The following CD81 variants were observed in gnomAD, a reference collection of about 807,000 sequenced individuals.
The protein encoded by CD81 is CD81 antigen.
A neutral mutation model predicts 30.1 loss-of-function variants in CD81; 10 were observed. The observed-to-expected ratio is 0.33, with a 90% confidence interval of 0.21 to 0.56. CD81 has a LOEUF of 0.56. CD81 is among the 20% of genes least tolerant of loss of function. The pLI, the probability that CD81 is intolerant of heterozygous loss-of-function variation, is 0.89. For missense variants in CD81, 263 were observed against 308.7 expected, an observed-to-expected ratio of 0.85 and a Z score of 1.11; for synonymous variants, 147 against 126.4, an observed-to-expected ratio of 1.16 and a Z score of -1.10.
At chr11:2,376,754 C>T (rs911449027), upstream of CD81, 41 of 152,284 alleles carry the variant, frequency 2.7e-4, no homozygotes, top group African/African-American at 8.9e-4. Context: ...TTCCGTGAGA[C>T]AGGGATTGGT....
chr11:2,388,267 G>A (rs942115666), intron 1 of CD81, among the ~76,000 whole-genome samples: 2 of 152,218 alleles, frequency 1.3e-5, no homozygotes, highest in Non-Finnish European at 2.9e-5. Flanking sequence ...AGGGGAGACA[G>A]GAGTGTGAGG....
intron 1 of CD81, among the ~76,000 whole-genome samples, chr11:2,383,239 G>A (rs1354757044): frequency 1.3e-5 from 2 of 152,120 alleles, no homozygotes; most frequent in Non-Finnish European, 2.9e-5. Context: ...CTGCCTTTTC[G>A]CCCCTGGAGG....
intron 1 of CD81, among the ~76,000 whole-genome samples, chr11:2,387,907 GAAGA>G (rs1262225487): frequency 1.9e-4 from 29 of 152,340 alleles, no homozygotes; most frequent in Admixed American, 1.3e-3. Context: ...CAGCTCCTCA[GAAGA>G]AGGTCTGAGA....
intron 1 of CD81, among the ~76,000 whole-genome samples, chr11:2,384,129 C>A (rs982975634): frequency 6.6e-6 from 1 of 152,082 alleles, no homozygotes; most frequent in Non-Finnish European, 1.5e-5. Flanking sequence ...TTTATTAATT[C>A]CCAGGAAGGA....
chr11:2,395,226 C>A (rs1589853779), intron 4 of CD81, 180 bp downstream of exon 4: 8 of 726,768 alleles, frequency 1.1e-5, no homozygotes, highest in African/African-American at 1.7e-5. Context: ...GGCTGAGCAC[C>A]AGGCCAGCCT....
At chr11:2,384,318 C>A (rs1389726319) in intron 1 of CD81, among the ~76,000 whole-genome samples, 2 of 49,110 alleles carry the variant, frequency 4.1e-5, no homozygotes, top group African/African-American at 1.6e-4. Flanking sequence ...CCTTGGGAGG[C>A]GGGGTGTCTC....
chr11:2,391,115 C>CAGG (rs1166400580), intron 2 of CD81: 4 of 207,790 alleles, frequency 1.9e-5, no homozygotes, highest in Non-Finnish European at 3.9e-5. Flanking sequence ...GGGGCAAGGC[C>CAGG]AGGAGGAGGA....
Position 2,377,608 on chromosome 11 carries a change from T to C in CD81, c.59T>C (p.Val20Ala). The change falls in exon 1 of 8, where the codon GTC becomes GCC. Residue 20 changes from valine to alanine, a missense_variant. Physicochemically the swap from Val to Ala is moderately conservative, Grantham distance 64. Transcript: ENST00000263645. The surrounding 1 kb of genome is among the most constrained non-coding windows in gnomAD (Gnocchi z 7.7). ...IKYLLFVFNF[V>A]FWLAGGVILG... ...TACCTGCTCTTCGTCTTCAATTTCG[T>C]CTTCTGGGTAAGGGCTGCGCCGGGG... is the stretch of plus-strand genomic sequence containing the variant. 3 of 1,543,360 alleles carry C rather than the reference T, an allele frequency of 1.9e-6. No individual in the cohort carries two copies. The highest frequency in any genetic ancestry group is 2.6e-6 in the Non-Finnish European group (3 of 1,142,140).
chr11:2,387,630 C>G (rs959603972), intron 1 of CD81, among the ~76,000 whole-genome samples: 2 of 152,104 alleles, frequency 1.3e-5, no homozygotes, highest in South Asian at 4.1e-4. Flanking sequence ...GAACCAGGAG[C>G]TGTCTGCCCC....
Position 2,390,525 on chromosome 11 carries a change from A to C in CD81, c.180A>C (p.Val60=). 2 of 1,605,772 alleles carry C rather than the reference A, an allele frequency of 1.2e-6. No homozygotes were observed. Among genetic ancestry groups the C allele is most frequent in the East Asian group, 2.2e-5 (1 of 44,844 alleles). Residue 60 remains valine (V), a splice_region_variant and synonymous_variant, in exon 2 of 8, where the codon GTA becomes GTC. Coordinates refer to ENST00000263645, the MANE Select transcript of CD81 (RefSeq NM_004356.4). ...GDKPAPNTFY[V]GIYILIAVGA... Reference sequence around the variant, plus strand: ...AGCCCGCGCCCAACACCTTCTATGTAGGTGAGTGCACATGTGGCCGCAGAC... The same window carrying C: ...AGCCCGCGCCCAACACCTTCTATGTCGGTGAGTGCACATGTGGCCGCAGAC...
At chr11:2,395,222 G>A in intron 4 of CD81, 176 bp downstream of exon 4, 1 of 728,564 alleles carries the variant, frequency 1.4e-6, no homozygotes, top group Non-Finnish European at 2.4e-6. Context: ...TTGGGGCTGA[G>A]CACCAGGCCA....
At chr11:2,376,585 A>G (rs755326711), upstream of CD81, among the ~76,000 whole-genome samples, 1 of 152,182 alleles carries the variant, frequency 6.6e-6, no homozygotes, top group Non-Finnish European at 1.5e-5. Flanking sequence ...GGGGCACGAC[A>G]CAACCAGGAT....
chr11:2,386,038 G>A (rs772481201), intron 1 of CD81: 11 of 717,072 alleles, frequency 1.5e-5, no homozygotes, highest in Admixed American at 6.0e-5. Flanking sequence ...CGTTGTATGC[G>A]TCCCAGTTGC....
At chr11:2,395,311 C>T in intron 4 of CD81, 105 bp from the exon 5 acceptor site, 1 of 935,630 alleles carries the variant, frequency 1.1e-6, no homozygotes, top group South Asian at 1.4e-5. Context: ...CGAAGCCACC[C>T]TGCCCAGGGA....
At chr11:2,390,317 A>C (rs1164472975) in intron 1 of CD81, 95 bp from the exon 2 acceptor site, 1 of 965,312 alleles carries the variant, frequency 1.0e-6, no homozygotes, top group East Asian at 2.4e-5. Flanking sequence ...GGGAGCCAGC[A>C]AGGCAGGAGG....
intron 2 of CD81, chr11:2,392,189 G>A (rs991213145): frequency 6.6e-6 from 1 of 152,280 alleles, no homozygotes; most frequent in Non-Finnish European, 1.5e-5. Context: ...GGCACCCGGC[G>A]GCCAAGGCTT....
chr11:2,386,352 G>A (rs571904906), intron 1 of CD81: 38 of 620,456 alleles, frequency 6.1e-5, no homozygotes, highest in Admixed American at 1.8e-4. Flanking sequence ...GGTGTCTTTC[G>A]CATTCCTGAC....
At chr11:2,388,268 G>A (rs1849831892) in intron 1 of CD81, among the ~76,000 whole-genome samples, 1 of 152,210 alleles carries the variant, frequency 6.6e-6, no homozygotes, top group South Asian at 2.1e-4. Flanking sequence ...GGGGAGACAG[G>A]AGTGTGAGGG....
chr11:2,385,811 G>T (rs1849787705), intron 1 of CD81: 2 of 636,554 alleles, frequency 3.1e-6, no homozygotes, highest in Non-Finnish European at 2.9e-6. Context: ...TCACCGGTCA[G>T]TGGGCATATG....
Sources: allele counts gnomAD v4.1 joint callset (sites outside exome capture counted in the v4.1 genomes callset), GRCh38; gene constraint gnomAD v4.1.1; non-coding constraint Gnocchi (gnomAD v3.1); transcripts MANE v1.5; gene names NCBI Gene and HGNC (gene_info 2026-07-23, HGNC 2026-07-21).